The following MTNR1A variants were observed in gnomAD, a reference collection of about 807,000 sequenced individuals.
The protein encoded by MTNR1A is melatonin receptor type 1A.
In MTNR1A, 7 loss-of-function variants were observed where a neutral mutation model predicts 5.5. That is an observed-to-expected ratio of 1.28 (90% CI 0.73 to 2.40). The LOEUF (loss-of-function observed/expected upper bound fraction) is 2.40, where lower values mean the gene tolerates loss of function less well. Among genes scored for constraint, MTNR1A ranks in the 30% most tolerant of loss-of-function variants. MTNR1A has a pLI of 0.00. For missense variants in MTNR1A, 441 were observed against 464.4 expected, an observed-to-expected ratio of 0.95 and a Z score of 0.46; for synonymous variants, 196 against 202.7, an observed-to-expected ratio of 0.97 and a Z score of 0.28.
intron 1 of MTNR1A, among the ~76,000 whole-genome samples, chr4:186,553,169 T>C (rs1737296335): frequency 6.6e-6 from 1 of 152,246 alleles, no homozygotes; most frequent in African/African-American, 2.4e-5. Flanking sequence ...TTAATTTAGC[T>C]GAAATGAGAG....
In MTNR1A at chr4:186,534,140, A is replaced by C; in HGVS notation, c.602T>G (p.Ile201Ser). The C allele has an allele frequency of 6.2e-7, 1 of 1,613,830 alleles. No homozygotes were observed. Among genetic ancestry groups the C allele is most frequent in the Non-Finnish European group, 8.5e-7 (1 of 1,179,756 alleles). The change falls in exon 2 of 2, where the codon ATC (isoleucine) becomes AGC (serine). Residue 201 changes from isoleucine (I) to serine (S), a missense_variant. Transcript: ENST00000307161. ...VVVFHFLVPM[I>S]IVIFCYLRIW... ...TCTCAGGTAACAGAAGATGACTATGATCATGGGGACGAGGAAGTGGAAAAC... is the reference window on the plus strand; with the variant it reads ...TCTCAGGTAACAGAAGATGACTATGCTCATGGGGACGAGGAAGTGGAAAAC...
chr4:186,542,102 T>G (rs1383348746), intron 1 of MTNR1A, among the ~76,000 whole-genome samples: 1 of 152,196 alleles, frequency 6.6e-6, no homozygotes, highest in Non-Finnish European at 1.5e-5. Flanking sequence ...TTACTCCTCA[T>G]GAAAACTGAT....
In MTNR1A at chr4:186,555,224, C is replaced by T. The variant is rs772442110; in HGVS notation, c.142G>A (p.Val48Ile). The T allele has an allele frequency of 6.3e-6, 10 of 1,590,426 alleles. No homozygotes were observed. In the African/African-American group the frequency reaches 6.7e-5, roughly 11 times the overall value. ...IVVDILGNLL[V>I]ILSVYRNKKL... ...TTGTTCCGATACACCGACAGGATGA[C>T]CAGGAGGTTGCCCAGGATGTCCACC... Residue 48 changes from valine (V) to isoleucine (I), a missense_variant, in exon 1 of 2, where the codon GTC (valine) becomes ATC (isoleucine). Transcript: ENST00000307161. This position sits in a 1 kb window ranked among gnomAD's most constrained non-coding sequence, Gnocchi z 4.1.
rs1294981854 is a variant in MTNR1A, at chr4:186,533,699, T to A, written c.1043A>T (p.Asp348Val). 1 of 1,614,002 alleles carries A rather than the reference T, an allele frequency of 6.2e-7. No homozygotes were observed. Among genetic ancestry groups the A allele is most frequent in the Non-Finnish European group, 8.5e-7 (1 of 1,180,036 alleles). ...GAACGTGGTGCTTTTTTAAACGGAG[T>A]CCACCTTTACTACATTATTGTTGGT... ...LMTNNNVVKV[D>V]SV Residue 348 changes from aspartate to valine, a missense_variant, in exon 2 of 2, where the codon GAC becomes GTC. Asp to Val is a radical substitution (Grantham distance 152, BLOSUM62 -3). Transcript: ENST00000307161.
In MTNR1A at chr4:186,534,625, A is replaced by G. The variant is rs1318455080; in HGVS notation, c.185-68T>C. 5 of 1,572,112 alleles carry G rather than the reference A, an allele frequency of 3.2e-6. No individual in the cohort carries two copies. The East Asian group carries it at 1.1e-4, about 35-fold the overall frequency. On this transcript the variant is annotated intron_variant, in intron 1 of 1. Coordinates refer to ENST00000307161, the MANE Select transcript of MTNR1A (RefSeq NM_005958.4). ...CAGTGGGTTTTCTGTTACAATTGTT[A>G]AAGAAGGAGCTGCTTCTGCAGCTCC...
chr4:186,543,808 T>C (rs916807910), intron 1 of MTNR1A, among the ~76,000 whole-genome samples: 6 of 152,332 alleles, frequency 3.9e-5, no homozygotes, highest in Middle Eastern at 3.4e-3. Flanking sequence ...TTTCCTTTAT[T>C]TCGAAGTTAA....
In MTNR1A at chr4:186,555,475, G is replaced by C. The variant is rs1737352453; in HGVS notation, c.-110C>G. 1.1e-6 allele frequency: 1 copy of C among 908,990 alleles called. No individual in the cohort carries two copies. Among genetic ancestry groups the C allele is most frequent in the Middle Eastern group, 4.2e-4 (1 of 2,404 alleles). 56.3% of individuals were successfully genotyped at this position (908,990 alleles called of 1,614,324 possible). A position where few individuals can be genotyped will look rare whatever the true frequency, so the allele number is the denominator to read the frequency against. On this transcript the variant is annotated 5_prime_UTR_variant, in exon 1 of 2. Coordinates refer to ENST00000307161, the MANE Select transcript of MTNR1A (RefSeq NM_005958.4). The surrounding 1 kb of genome is among the most constrained non-coding windows in gnomAD (Gnocchi z 4.1). ...CCCGCGCCCACGCCCCATCCCGCGC[G>C]CTCCTCCACGCCGCGCCCCCGGACG... is the stretch of plus-strand genomic sequence containing the variant.
intron 1 of MTNR1A, among the ~76,000 whole-genome samples, chr4:186,546,019 C>A (rs1171548820): frequency 1.3e-5 from 2 of 152,152 alleles, no homozygotes; most frequent in Non-Finnish European, 2.9e-5. Context: ...GAAACAAAAG[C>A]CGGATTCAGA....
intron 1 of MTNR1A, among the ~76,000 whole-genome samples, chr4:186,536,341 C>T (rs372266188): frequency 8.8e-4 from 129 of 147,092 alleles, no homozygotes; most frequent in African/African-American, 3.1e-3. Context: ...AGCAAAACTC[C>T]GTATCAAAAA....
intron 1 of MTNR1A, among the ~76,000 whole-genome samples, chr4:186,538,566 C>T (rs1382366287): frequency 2.6e-5 from 4 of 152,152 alleles, no homozygotes; most frequent in African/African-American, 7.2e-5. Context: ...GAGCTCCAGT[C>T]CCTCCTCCCA....
chr4:186,545,407 T>C (rs1242953949), intron 1 of MTNR1A, among the ~76,000 whole-genome samples: 2 of 152,190 alleles, frequency 1.3e-5, no homozygotes, highest in Non-Finnish European at 2.9e-5. Flanking sequence ...CACAGCCGTC[T>C]GTCTCCCTCT....
chr4:186,548,305 T>G (rs930617148), intron 1 of MTNR1A, among the ~76,000 whole-genome samples: 1 of 152,190 alleles, frequency 6.6e-6, no homozygotes, highest in African/African-American at 2.4e-5. Context: ...CCTATTTATA[T>G]ATGAAAGTTA....
At chr4:186,551,299 A>G (rs1309958268) in intron 1 of MTNR1A, among the ~76,000 whole-genome samples, 1 of 152,192 alleles carries the variant, frequency 6.6e-6, no homozygotes, top group Non-Finnish European at 1.5e-5. Flanking sequence ...ACAAAAGGGA[A>G]AACTCAGACA....
intron 1 of MTNR1A, among the ~76,000 whole-genome samples, chr4:186,539,209 C>A: frequency 1.2e-5 from 1 of 83,464 alleles, no homozygotes; most frequent in Admixed American, 1.6e-4. Flanking sequence ...GAGCAAGACT[C>A]CATTAAAAAA....
chr4:186,552,167 G>A (rs1395117246), intron 1 of MTNR1A, among the ~76,000 whole-genome samples: 1 of 152,164 alleles, frequency 6.6e-6, no homozygotes, highest in African/African-American at 2.4e-5. Context: ...GGTTGTGCTT[G>A]TTCTGTTTCT....
intron 1 of MTNR1A, among the ~76,000 whole-genome samples, chr4:186,538,519 C>G (rs536399035): frequency 7.2e-5 from 11 of 152,266 alleles, no homozygotes; most frequent in African/African-American, 2.4e-4. Flanking sequence ...CCAGCTCCTG[C>G]TCACCTCCTC....
chr4:186,536,442 C>A (rs1476765787), intron 1 of MTNR1A, among the ~76,000 whole-genome samples: 1 of 152,210 alleles, frequency 6.6e-6, no homozygotes, highest in East Asian at 1.9e-4. Context: ...GAAAGGGGTG[C>A]GCTGGACAGG....
At chr4:186,544,477 T>C (rs987420648) in intron 1 of MTNR1A, among the ~76,000 whole-genome samples, 1 of 152,214 alleles carries the variant, frequency 6.6e-6, no homozygotes, top group Admixed American at 6.5e-5. Flanking sequence ...CACACTGCAA[T>C]CCTCAGGCTG....
intron 1 of MTNR1A, among the ~76,000 whole-genome samples, chr4:186,543,311 T>C (rs1352972162): frequency 1.3e-5 from 2 of 152,170 alleles, no homozygotes; most frequent in Non-Finnish European, 2.9e-5. Flanking sequence ...TCCCATGCCC[T>C]GGGATTGAAG....
Sources: allele counts gnomAD v4.1 joint callset (sites outside exome capture counted in the v4.1 genomes callset), GRCh38; gene constraint gnomAD v4.1.1; non-coding constraint Gnocchi (gnomAD v3.1); transcripts MANE v1.5; gene names NCBI Gene and HGNC (gene_info 2026-07-23, HGNC 2026-07-21).